AGBL1: variants seen among roughly 807,000 people sequenced by gnomAD.
AGBL1 encodes cytosolic carboxypeptidase 4.
A neutral mutation model predicts 118.9 loss-of-function variants in AGBL1; 130 were observed. That is an observed-to-expected ratio of 1.09 (90% CI 0.95 to 1.26). AGBL1 has a LOEUF of 1.26. Among genes scored for constraint, AGBL1 ranks in the 50% most tolerant of loss-of-function variants. AGBL1 has a pLI of 0.00. For synonymous variants in AGBL1, 555 were observed against 478.9 expected (o/e 1.16, Z -2.08); for missense variants, 1,584 against 1,298.1 (o/e 1.22, Z -3.38).
chr15:86,155,158 G>A (rs1205033154), intron 4 of AGBL1, among the ~76,000 whole-genome samples: 1 of 152,054 alleles, frequency 6.6e-6, no homozygotes, highest in African/African-American at 2.4e-5. Flanking sequence ...TTATAGTTTT[G>A]AAAAAGAAAC....
rs1267248787 is a variant in AGBL1, at chr15:86,158,080, A to G, written c.395-853A>G. Among the ~76,000 whole-genome samples, 5 of 152,190 alleles carry G rather than the reference A, an allele frequency of 3.3e-5. No individual in the cohort carries two copies. In the East Asian group the frequency reaches 9.6e-4, roughly 29 times the overall value. On this transcript the variant is annotated intron_variant, in intron 4 of 22. Coordinates refer to ENST00000614907, the MANE Select transcript of AGBL1 (RefSeq NM_001386094.1). ...GAGTAGCCACAAGAGTGGAAGATTG[A>G]TGGGCAGGACTAGGATGCCAAATCT...
At position 86,607,548 on chromosome 15, in the gene AGBL1, G is replaced by A. The variant is rs145689793; in HGVS notation, c.2994+53011G>A. Among the ~76,000 whole-genome samples the A allele has an allele frequency of 2.0e-4, 30 of 152,266 alleles. No homozygotes were observed. The East Asian group carries it at 5.2e-3, about 26-fold the overall frequency. The stretch of plus-strand genomic sequence containing the variant: ...TTTTGCATTCCCAGCAGCAATGAGT[G>A]AGAGTTCCCTCTACGCCATATCCTT... On this transcript the variant is annotated intron_variant, in intron 21 of 22. Transcript: ENST00000614907.
At chr15:86,682,827 C>T (rs2085985222) in intron 22 of AGBL1, among the ~76,000 whole-genome samples, 1 of 152,022 alleles carries the variant, frequency 6.6e-6, no homozygotes, top group Admixed American at 6.6e-5. Flanking sequence ...GAACTAGATG[C>T]TGTGCTAAGC....
At chr15:86,948,130 G>A (rs2080844629) in intron 23 of AGBL1, among the ~76,000 whole-genome samples, 1 of 152,138 alleles carries the variant, frequency 6.6e-6, no homozygotes, top group Non-Finnish European at 1.5e-5. Context: ...GAGTTAGCAT[G>A]TGCAGTGACA....
At chr15:86,297,480 A>G (rs2079664043) in intron 17 of AGBL1, among the ~76,000 whole-genome samples, 1 of 152,194 alleles carries the variant, frequency 6.6e-6, no homozygotes, top group African/African-American at 2.4e-5. Flanking sequence ...AAAGTTTTAA[A>G]CAAGGGGCCT....
intron 5 of AGBL1, among the ~76,000 whole-genome samples, chr15:86,203,745 T>G (rs929077770): frequency 6.6e-6 from 1 of 152,220 alleles, no homozygotes. Flanking sequence ...CCTCCATTGT[T>G]ACGGAGTTAC....
At chr15:86,242,166 A>T (rs1210561727) in intron 6 of AGBL1, among the ~76,000 whole-genome samples, 1 of 152,140 alleles carries the variant, frequency 6.6e-6, no homozygotes, top group East Asian at 1.9e-4. Context: ...ACTGTGAATC[A>T]ATTAAACCTC....
intron 1 of AGBL1, among the ~76,000 whole-genome samples, chr15:86,082,902 C>G (rs1284484517): frequency 6.6e-6 from 1 of 152,208 alleles, no homozygotes. Context: ...CTGGATCCAG[C>G]CCCTTGTCTG....
chr15:86,518,009 G>C lies in AGBL1; in HGVS notation c.2556-4801G>C, dbSNP rs139152099. ...CTGCTGCCTAAATCTCAAACATGCT[G>C]CCTCTCTTTAGGCTCCAGAGCTTGC... On this transcript the variant is annotated intron_variant, in intron 18 of 22. Transcript: ENST00000614907. Among the ~76,000 whole-genome samples the C allele has an allele frequency of 5.3e-5, 8 of 152,286 alleles. No individual in the cohort carries two copies. In the East Asian group the frequency reaches 1.4e-3, roughly 26 times the overall value.
intron 18 of AGBL1, among the ~76,000 whole-genome samples, chr15:86,492,164 G>A (rs2082789420): frequency 6.6e-6 from 1 of 152,094 alleles, no homozygotes; most frequent in African/African-American, 2.4e-5. Flanking sequence ...AGTGATGCAA[G>A]CATATAGAAG....
chr15:86,556,299 A>C (rs1596261331), intron 21 of AGBL1: 1 of 1,606,420 alleles, frequency 6.2e-7, no homozygotes. Flanking sequence ...TTGGAGCAGC[A>C]TTTATCTTGT....
chr15:86,256,963 T>C lies in AGBL1; in HGVS notation c.846T>C (p.Tyr282=), dbSNP rs906438402. ...PLPLVTASSA[Y]AFPVPGCITT... is the part of the protein sequence containing the mutation. ...CCTTGGTCACAGCCAGCAGTGCCTA[T>C]GCCTTCCCGGTCCCCGGGTGCATCA... is the stretch of plus-strand genomic sequence containing the variant. The change falls in exon 8 of 23, where the codon TAT becomes TAC. Residue 282 remains tyrosine, a synonymous_variant. Coordinates refer to ENST00000614907, the MANE Select transcript of AGBL1 (RefSeq NM_001386094.1). The C allele has an allele frequency of 1.9e-6, 3 of 1,613,974 alleles. No homozygotes were observed. Among genetic ancestry groups the C allele is most frequent in the Admixed American group, 3.3e-5 (2 of 60,004 alleles).
intron 23 of AGBL1, among the ~76,000 whole-genome samples, chr15:86,932,325 T>A (rs1431356706): frequency 6.6e-6 from 1 of 152,212 alleles, no homozygotes; most frequent in South Asian, 2.1e-4. Flanking sequence ...TTAGGCTCTG[T>A]CAACACATTT....
intron 6 of AGBL1, among the ~76,000 whole-genome samples, chr15:86,230,821 C>T (rs2078443409): frequency 6.6e-6 from 1 of 152,146 alleles, no homozygotes; most frequent in Non-Finnish European, 1.5e-5. Context: ...AGGTAATTGA[C>T]ACATGCAGTT....
At chr15:86,735,514 TATC>T (rs1353831810) in intron 22 of AGBL1, among the ~76,000 whole-genome samples, 2 of 152,092 alleles carry the variant, frequency 1.3e-5, no homozygotes, top group Non-Finnish European at 2.9e-5. Flanking sequence ...TCTATCTATC[TATC>T]TATAAATCAA....
chr15:86,442,357 C>T (rs779049245), intron 18 of AGBL1, among the ~76,000 whole-genome samples: 1 of 152,166 alleles, frequency 6.6e-6, no homozygotes, highest in African/African-American at 2.4e-5. Context: ...TGGTTTCATT[C>T]CCTGTTACCT....
rs1388051439 is a variant in AGBL1, at chr15:86,613,745, C to T, written c.2994+59208C>T. The stretch of plus-strand genomic sequence containing the variant: ...CCAAGTAGGATCTTCAGAACAGCAT[C>T]ATCTCCATCACCAGGGAGCTTGTTA... On this transcript the variant is annotated intron_variant, in intron 21 of 22. Transcript: ENST00000614907. This position sits in a 1 kb window ranked among gnomAD's most constrained non-coding sequence, Gnocchi z 4.2. 6.6e-6 allele frequency among the ~76,000 whole-genome samples: 1 copy of T among 152,172 alleles called. No individual in the cohort carries two copies. The highest frequency in any genetic ancestry group is 1.5e-5 in the Non-Finnish European group (1 of 68,030).
intron 4 of AGBL1, among the ~76,000 whole-genome samples, chr15:86,155,005 A>G (rs1296537599): frequency 6.6e-6 from 1 of 152,084 alleles, no homozygotes. Flanking sequence ...ATCCCTTACC[A>G]TTTAAAAAAA....
In AGBL1 at chr15:86,315,038, G is replaced by A. The variant is rs149203255; in HGVS notation, c.2374+19630G>A. 4.1e-3 allele frequency among the ~76,000 whole-genome samples: 628 copies of A among 152,272 alleles called. 7 individuals carry two copies. Among genetic ancestry groups the A allele is most frequent in the African/African-American group, 0.014 (588 of 41,550 alleles). Reference sequence around the variant, plus strand: ...GGTGAGGATTAATGAGGTAAGGTATGTTTTCCTAACACAGCGTAAAGAGAG... The same window carrying A: ...GGTGAGGATTAATGAGGTAAGGTATATTTTCCTAACACAGCGTAAAGAGAG... On this transcript the variant is annotated intron_variant, in intron 17 of 22. Transcript: ENST00000614907.
Sources: gnomAD v4.1 joint callset for allele counts (sites outside exome capture counted in the v4.1 genomes callset) on GRCh38, gnomAD v4.1.1 for gene constraint, Gnocchi (gnomAD v3.1) non-coding constraint, MANE v1.5 for transcripts, NCBI Gene and HGNC (gene_info 2026-07-23, HGNC 2026-07-21) for gene names.